DNAH8: variants seen among roughly 807,000 people sequenced by gnomAD.
DNAH8 encodes axonemal beta dynein heavy chain 8.
A neutral mutation model predicts 562.1 loss-of-function variants in DNAH8; 382 were observed. The ratio of observed to expected loss-of-function variants is 0.68; its 90% CI spans 0.63 to 0.74. The LOEUF is 0.74. DNAH8 is among the 30% of genes least tolerant of loss of function. The pLI, the probability that DNAH8 is intolerant of heterozygous loss-of-function variation, is 0.00. For synonymous variants in DNAH8, 1,881 were observed against 1,919.4 expected (o/e 0.98, Z 0.52); for missense variants, 5,203 against 5,620.4 (o/e 0.93, Z 2.37).
At chr6:39,026,790 C>G (rs1767317735) in intron 92 of DNAH8, 123 bp downstream of exon 92, 2 of 1,049,228 alleles carry the variant, frequency 1.9e-6, no homozygotes, top group Non-Finnish European at 2.8e-6. Flanking sequence ...AGGGTTCCCT[C>G]CATCATAGCC....
intron 88 of DNAH8, among the ~76,000 whole-genome samples, chr6:39,002,161 G>A (rs1166489615): frequency 6.6e-6 from 1 of 152,172 alleles, no homozygotes; most frequent in Non-Finnish European, 1.5e-5. Context: ...GATGCACAGA[G>A]TTCATGATAA....
At chr6:38,955,409 T>G (rs1178549226) in intron 82 of DNAH8, among the ~76,000 whole-genome samples, 1 of 152,008 alleles carries the variant, frequency 6.6e-6, no homozygotes, top group Middle Eastern at 3.2e-3. Flanking sequence ...GGTGGGTGGA[T>G]CATCTGAGGT....
chr6:38,899,135 C>T (rs1019560773), intron 61 of DNAH8, among the ~76,000 whole-genome samples: 4 of 152,116 alleles, frequency 2.6e-5, no homozygotes, highest in African/African-American at 9.7e-5. Flanking sequence ...ATATAAAAGA[C>T]AGCTTTTTAG....
chr6:38,990,112 A>T lies in DNAH8; in HGVS notation c.13154A>T (p.Gln4385Leu). Residue 4385 changes from glutamine to leucine, a missense_variant, in exon 88 of 93, where the codon CAG (glutamine) becomes CTG (leucine). Gln to Leu is a moderately radical substitution (Grantham distance 113, BLOSUM62 -2). Around this residue, in one of 6 missense-constraint regions of DNAH8, gnomAD observed 1,399 missense variants for 1,518.4 expected, o/e 0.92. Transcript: ENST00000327475. ...KTLDQYFEYI[Q>L]SLPSLDNPEV... ...TTAGACCAGTATTTTGAATACATCC[A>T]GTCACTGCCATCCCTAGATAACCCT... is the stretch of plus-strand genomic sequence containing the variant. 6.2e-7 allele frequency: 1 copy of T among 1,608,278 alleles called. No homozygotes were observed. The highest frequency in any genetic ancestry group is 8.5e-7 in the Non-Finnish European group (1 of 1,174,688).
chr6:38,737,422 G>T (rs911870384), intron 6 of DNAH8, among the ~76,000 whole-genome samples, 166 bp downstream of exon 6: 44 of 152,140 alleles, frequency 2.9e-4, no homozygotes, highest in Admixed American at 1.2e-3. Flanking sequence ...GAGGATCTTT[G>T]GTGGAGTAAG....
At position 38,852,797 on chromosome 6, in the gene DNAH8, T is replaced by A; in HGVS notation, c.5570T>A (p.Val1857Asp). ...AVISREGEKIVLDNSVMAKGP... is the reference protein window; with the variant it reads ...AVISREGEKIDLDNSVMAKGP... ...ATATCAAGAGAAGGAGAAAAAATTGTTGTAATTTACCTTGCTTTAAATTTT... is the reference window on the plus strand; with the variant it reads ...ATATCAAGAGAAGGAGAAAAAATTGATGTAATTTACCTTGCTTTAAATTTT... The change falls in exon 40 of 93, where the codon GTT becomes GAT. Residue 1857 changes from valine to aspartate, a missense_variant and splice_region_variant. By Grantham distance (152) the Val-to-Asp change is radical. This residue lies in a region of DNAH8 where 2,176 missense variants were observed against 2,365.1 expected (regional missense o/e 0.92). Transcript: ENST00000327475. 1 of 1,608,716 alleles carries A rather than the reference T, an allele frequency of 6.2e-7. No individual in the cohort carries two copies. Among genetic ancestry groups the A allele is most frequent in the Non-Finnish European group, 8.5e-7 (1 of 1,175,778 alleles).
intron 1 of DNAH8, among the ~76,000 whole-genome samples, chr6:38,718,833 A>G (rs1257812980): frequency 1.3e-5 from 2 of 152,200 alleles, no homozygotes; most frequent in Admixed American, 1.3e-4. Context: ...AAGAATGAAT[A>G]TGATATGATG....
chr6:38,747,189 G>A (rs534397508), intron 8 of DNAH8, among the ~76,000 whole-genome samples: 28 of 152,126 alleles, frequency 1.8e-4, no homozygotes, highest in African/African-American at 6.5e-4. Flanking sequence ...AGCTGGATCA[G>A]GTGGATCTTA....
At chr6:38,735,715 GTCTT>G (rs1393026433) in intron 5 of DNAH8, among the ~76,000 whole-genome samples, 5 of 152,132 alleles carry the variant, frequency 3.3e-5, no homozygotes, top group African/African-American at 1.2e-4. Context: ...AATAGTATAA[GTCTT>G]TCATAACCGA....
At chr6:38,950,866 C>T (rs1761855138) in intron 81 of DNAH8, among the ~76,000 whole-genome samples, 1 of 151,248 alleles carries the variant, frequency 6.6e-6, no homozygotes, top group Admixed American at 6.6e-5. Context: ...CTTGTCTGTG[C>T]TTTACCATAT....
At chr6:38,773,512 TACA>T (rs1385069225) in intron 12 of DNAH8, among the ~76,000 whole-genome samples, 1 of 152,102 alleles carries the variant, frequency 6.6e-6, no homozygotes, top group Non-Finnish European at 1.5e-5. Flanking sequence ...GTTTGAAGAA[TACA>T]ACTTCAAGCC....
chr6:38,765,539 T>C (rs1199108431), intron 11 of DNAH8, among the ~76,000 whole-genome samples: 1 of 152,228 alleles, frequency 6.6e-6, no homozygotes, highest in African/African-American at 2.4e-5. Context: ...TAAGACCATT[T>C]ATTGAAGAGA....
intron 38 of DNAH8, 77 bp downstream of exon 38, chr6:38,850,491 C>A: frequency 7.4e-7 from 1 of 1,355,960 alleles, no homozygotes; most frequent in Non-Finnish European, 1.0e-6. Context: ...GTATTGACTA[C>A]ATTTCTGGTT....
chr6:38,731,962 T>A (rs1405760101), intron 4 of DNAH8, among the ~76,000 whole-genome samples: 1 of 152,224 alleles, frequency 6.6e-6, no homozygotes, highest in Non-Finnish European at 1.5e-5. Context: ...GTGATCCACC[T>A]GCCTCGGCCT....
chr6:38,759,455 G>A (rs1438529290), intron 10 of DNAH8, among the ~76,000 whole-genome samples: 1 of 152,080 alleles, frequency 6.6e-6, no homozygotes, highest in Non-Finnish European at 1.5e-5. Context: ...GCAAAGTATA[G>A]GCTTAATCAC....
intron 80 of DNAH8, among the ~76,000 whole-genome samples, chr6:38,948,824 A>G (rs1269007609): frequency 6.6e-6 from 1 of 152,206 alleles, no homozygotes; most frequent in African/African-American, 2.4e-5. Flanking sequence ...ATTTAAGACC[A>G]GCTGTTGGAG....
At chr6:38,937,916 A>T in intron 77 of DNAH8, 58 bp from the exon 78 acceptor site, 1 of 1,569,254 alleles carries the variant, frequency 6.4e-7, no homozygotes, top group Non-Finnish European at 8.7e-7. Context: ...GAAGAGATGT[A>T]TCTTGCTTTG....
Position 38,935,658 on chromosome 6 carries a change from C to A in DNAH8, c.11524C>A (p.Leu3842Ile). Residue 3842 changes from leucine (L) to isoleucine (I), a missense_variant, in exon 77 of 93, where the codon CTT (leucine) becomes ATT (isoleucine). Physicochemically the swap from Leu to Ile is conservative, Grantham distance 5 (BLOSUM62 2). Coordinates refer to ENST00000327475, the MANE Select transcript of DNAH8 (RefSeq NM_001206927.2). ...TTTTAATAAGCGGAAGATGAAAGAA[C>A]TTGAAGATAACCTCCTCTATAAATT... ...VTFNKRKMKE[L>I]EDNLLYKLSA... 6.2e-7 allele frequency: 1 copy of A among 1,613,134 alleles called. No homozygotes were observed. The highest frequency in any genetic ancestry group is 8.5e-7 in the Non-Finnish European group (1 of 1,179,638).
intron 39 of DNAH8, among the ~76,000 whole-genome samples, chr6:38,851,968 C>T (rs1318506080): frequency 6.6e-6 from 1 of 152,184 alleles, no homozygotes; most frequent in African/African-American, 2.4e-5. Context: ...TAATGGTTCT[C>T]ACCTCACAGG....
Sources: gnomAD v4.1 joint callset for allele counts (sites outside exome capture counted in the v4.1 genomes callset) on GRCh38, gnomAD v4.1.1 for gene constraint, gnomAD v4.1.1 regional missense constraint, MANE v1.5 for transcripts, NCBI Gene and HGNC (gene_info 2026-07-23, HGNC 2026-07-21) for gene names.